Variants in PPP2R5B observed in about 807,000 individuals in gnomAD.
PPP2R5B encodes protein phosphatase 2 regulatory subunit B'beta.
Under a neutral mutation model 59.9 loss-of-function variants are expected in PPP2R5B, and 19 were observed. That is an observed-to-expected ratio of 0.32 (90% CI 0.22 to 0.47). PPP2R5B has a LOEUF of 0.47. Ranked by LOEUF, PPP2R5B falls within the 20% of genes least tolerant of loss-of-function variation. The pLI, the probability that PPP2R5B is intolerant of heterozygous loss-of-function variation, is 1.00. For missense variants in PPP2R5B, 441 were observed against 640.2 expected, an observed-to-expected ratio of 0.69 and a Z score of 3.36; for synonymous variants, 286 against 260.5, an observed-to-expected ratio of 1.10 and a Z score of -0.94.
chr11:64,931,754 G>A lies in PPP2R5B; in HGVS notation c.1002G>A (p.Met334Ile). The A allele has an allele frequency of 6.2e-7, 1 of 1,614,112 alleles. No homozygotes were observed. The highest frequency in any genetic ancestry group is 8.5e-7 in the Non-Finnish European group (1 of 1,179,960). The change falls in exon 11 of 14, where the codon ATG (methionine) becomes ATA (isoleucine). Residue 334 changes from methionine (M) to isoleucine (I), a missense_variant. By Grantham distance (10) the Met-to-Ile change is conservative (BLOSUM62 1). Around this residue, in one of 3 missense-constraint regions of PPP2R5B, gnomAD observed 268 missense variants for 488.1 expected, o/e 0.55. Coordinates refer to ENST00000164133, the MANE Select transcript of PPP2R5B (RefSeq NM_006244.4). This position sits in a 1 kb window ranked among gnomAD's most constrained non-coding sequence, Gnocchi z 5.0. Reference sequence around the variant, plus strand: ...CCCCTCCCCAACCCACCCAGGTGATGTTTCTGGGGGAGATGGAAGAGATTC... The same window carrying A: ...CCCCTCCCCAACCCACCCAGGTGATATTTCTGGGGGAGATGGAAGAGATTC... Reference protein sequence around the residue: ...WPKTCTQKEVMFLGEMEEILD... With the variant: ...WPKTCTQKEVIFLGEMEEILD...
At chr11:64,927,983 G>A (rs1053044386) in intron 4 of PPP2R5B, 80 bp downstream of exon 4, 1 of 1,567,816 alleles carries the variant, frequency 6.4e-7, no homozygotes, top group Non-Finnish European at 8.8e-7. Flanking sequence ...TTAGCCCCTA[G>A]ACAGTTGGAT....
Position 64,928,306 on chromosome 11 carries a change from A to T in PPP2R5B, c.603A>T (p.Leu201=). 6.2e-7 allele frequency: 1 copy of T among 1,613,930 alleles called. No individual in the cohort carries two copies. Among genetic ancestry groups the T allele is most frequent in the Non-Finnish European group, 8.5e-7 (1 of 1,179,896 alleles). ...DQKFVLMLLE[L]FDSEDPRERE... ...TCTGGTTCCCACAGCTCCTGGAGCT[A>T]TTTGATAGTGAGGATCCCCGGGAGC... The change falls in exon 6 of 14, where the codon CTA becomes CTT. Residue 201 remains leucine, a synonymous_variant. Transcript: ENST00000164133.
rs1380271716 is a variant in PPP2R5B at position 64,933,931 on chromosome 11, C to T, written c.*87C>T. On this transcript the variant is annotated 3_prime_UTR_variant, in exon 14 of 14. Transcript: ENST00000164133. ...GTCCAGGGGCCCAGAGAGAAACACACCTACCCCTGGCCTTGCCAGAGTGGC... is the reference window on the plus strand; with the variant it reads ...GTCCAGGGGCCCAGAGAGAAACACATCTACCCCTGGCCTTGCCAGAGTGGC... The T allele has an allele frequency of 1.4e-6, 2 of 1,396,640 alleles. No homozygotes were observed. The highest frequency in any genetic ancestry group is 2.0e-4 in the Middle Eastern group (1 of 4,984). The allele number at this position is 1,396,640 out of a possible 1,614,324, so 86.5% of individuals were successfully genotyped here.
intron 6 of PPP2R5B, 68 bp from the exon 7 acceptor site, chr11:64,930,254 C>T: frequency 6.4e-7 from 1 of 1,551,016 alleles, no homozygotes; most frequent in Non-Finnish European, 8.9e-7. Context: ...GGTGGGCAGG[C>T]AGGATGCCTA....
intron 2 of PPP2R5B, 94 bp from the exon 3 acceptor site, chr11:64,926,618 A>C: frequency 7.3e-7 from 1 of 1,363,440 alleles, no homozygotes; most frequent in Non-Finnish European, 1.0e-6. Context: ...GGGGCAGCAG[A>C]GGCAGCCGTG....
In PPP2R5B at chr11:64,926,824, G is replaced by A; in HGVS notation, c.312G>A (p.Arg104=). The change falls in exon 3 of 14, where the codon CGG becomes CGA. Residue 104 remains arginine, a synonymous_variant. Coordinates refer to ENST00000164133, the MANE Select transcript of PPP2R5B (RefSeq NM_006244.4). ...ACCTCAAGGGGAAGGAGGTGAAGCG[G>A]GCAGCCCTCAACGAGCTGGTGGAGT... is the stretch of plus-strand genomic sequence containing the variant. ...VADLKGKEVK[R]AALNELVECV... is the part of the protein sequence containing the mutation. The A allele has an allele frequency of 6.2e-7, 1 of 1,614,194 alleles. No individual in the cohort carries two copies. Among genetic ancestry groups the A allele is most frequent in the South Asian group, 1.1e-5 (1 of 91,088 alleles).
intron 6 of PPP2R5B, 146 bp from the exon 7 acceptor site, chr11:64,930,176 G>A: frequency 2.3e-6 from 2 of 866,716 alleles, no homozygotes; most frequent in Non-Finnish European, 3.7e-6. Context: ...GGCCTGGTTT[G>A]GGATGTTGGG....
upstream of PPP2R5B, among the ~76,000 whole-genome samples, chr11:64,920,526 C>G (rs577391624): frequency 1.3e-5 from 2 of 152,296 alleles, no homozygotes; most frequent in African/African-American, 4.8e-5. Context: ...GCAAAAAATC[C>G]TCGCACAGTA....
upstream of PPP2R5B, among the ~76,000 whole-genome samples, chr11:64,922,214 A>T (rs560692575): frequency 6.6e-6 from 1 of 151,982 alleles, no homozygotes; most frequent in Admixed American, 6.6e-5. Flanking sequence ...GCCGGGTGCA[A>T]TGGCTCACTC....
chr11:64,922,295 G>A (rs1455320536), upstream of PPP2R5B, among the ~76,000 whole-genome samples: 18 of 149,980 alleles, frequency 1.2e-4, no homozygotes, highest in Admixed American at 1.1e-3. Context: ...ACCAGCCTGC[G>A]CAACATGGCG....
Position 64,925,659 on chromosome 11 carries a change from C to G in PPP2R5B, c.-76C>G. On this transcript the variant is annotated 5_prime_UTR_variant, in exon 2 of 14. Transcript: ENST00000164133. This position sits in a 1 kb window ranked among gnomAD's most constrained non-coding sequence, Gnocchi z 4.6. ...ACAGGATGGGACCAAGTTAGTCTGTCCAGTCTCACCCAGCACCTCCCAGGC... is the reference window on the plus strand; with the variant it reads ...ACAGGATGGGACCAAGTTAGTCTGTGCAGTCTCACCCAGCACCTCCCAGGC... The G allele has an allele frequency of 3.1e-6, 2 of 641,150 alleles. No individual in the cohort carries two copies. The highest frequency in any genetic ancestry group is 5.4e-5 in the East Asian group (1 of 18,578). The allele number at this position is 641,150 out of a possible 1,614,324, so 39.7% of individuals were successfully genotyped here. A position where few individuals can be genotyped will look rare whatever the true frequency, so the allele number is the denominator to read the frequency against.
chr11:64,930,204 G>A, intron 6 of PPP2R5B, 118 bp from the exon 7 acceptor site: 1 of 1,143,344 alleles, frequency 8.7e-7, no homozygotes, highest in Non-Finnish European at 1.3e-6. Context: ...CGCAGCCTCT[G>A]GGTTGGGGGA....
chr11:64,930,506 C>A lies in PPP2R5B; in HGVS notation c.808C>A (p.Leu270Met). The A allele has an allele frequency of 6.2e-7, 1 of 1,614,204 alleles. No homozygotes were observed. The highest frequency in any genetic ancestry group is 8.5e-7 in the Non-Finnish European group (1 of 1,180,040). ...CATCATCAATGGCTTTGCGCTGCCC[C>A]TGAAGACGGAGCACAAGCAGTTCCT... ...GSIINGFALP[L>M]KTEHKQFLVR... Residue 270 changes from leucine (L) to methionine (M), a missense_variant, in exon 8 of 14, where the codon CTG becomes ATG. Transcript: ENST00000164133.
At chr11:64,919,725 AAAATT>A (rs1945094050), upstream of PPP2R5B, among the ~76,000 whole-genome samples, 1 of 152,076 alleles carries the variant, frequency 6.6e-6, no homozygotes, top group Non-Finnish European at 1.5e-5. Flanking sequence ...GTCTAAAAAA[AAAATT>A]AATAGTAAAT....
upstream of PPP2R5B, chr11:64,924,115 C>T (rs1945133777): frequency 6.6e-6 from 1 of 152,164 alleles, no homozygotes; most frequent in Non-Finnish European, 1.5e-5. Flanking sequence ...AAACTGGAGA[C>T]CATGATGTCA....
At position 64,928,398 on chromosome 11, in the gene PPP2R5B, G is replaced by A. The variant is rs1444177483; in HGVS notation, c.695G>A (p.Arg232His). Residue 232 changes from arginine to histidine, a missense_variant, in exon 6 of 14, where the codon CGC (arginine) becomes CAC (histidine). Arg to His is a conservative substitution (Grantham distance 29). This residue lies in a region of PPP2R5B where 268 missense variants were observed against 488.1 expected (regional missense o/e 0.55). Transcript: ENST00000164133. ...GKFLGLRAYIRKQCNHIFLRF... is the reference protein window; with the variant it reads ...GKFLGLRAYIHKQCNHIFLRF... ...TTCCTGGGTCTCCGGGCCTACATCC[G>A]CAAACAGTGCAACCACATCTTCCTC... 6.2e-7 allele frequency: 1 copy of A among 1,614,106 alleles called. No individual in the cohort carries two copies. Among genetic ancestry groups the A allele is most frequent in the Non-Finnish European group, 8.5e-7 (1 of 1,180,032 alleles).
At chr11:64,918,375 T>C (rs1945066014) in intron 1 of PPP2R5B, 2 of 150,896 alleles carry the variant, frequency 1.3e-5, no homozygotes, top group African/African-American at 4.9e-5. Flanking sequence ...TTCTTTTCTT[T>C]TTGAGACAGA....
At chr11:64,924,033 C>T (rs1371042864), upstream of PPP2R5B, among the ~76,000 whole-genome samples, 3 of 152,170 alleles carry the variant, frequency 2.0e-5, no homozygotes, top group Non-Finnish European at 4.4e-5. Flanking sequence ...GGCCAGGCTG[C>T]CTGGGATGAG....
intron 2 of PPP2R5B, among the ~76,000 whole-genome samples, chr11:64,926,312 G>C (rs1442319303): frequency 6.6e-6 from 1 of 152,222 alleles, no homozygotes; most frequent in Non-Finnish European, 1.5e-5. Flanking sequence ...TTGGGCCATA[G>C]GGCCAGACTG....
Sources: gnomAD v4.1 joint callset for allele counts (sites outside exome capture counted in the v4.1 genomes callset) on GRCh38, gnomAD v4.1.1 for gene constraint, gnomAD v4.1.1 regional missense constraint, Gnocchi (gnomAD v3.1) non-coding constraint, MANE v1.5 for transcripts, NCBI Gene and HGNC (gene_info 2026-07-23, HGNC 2026-07-21) for gene names.